The following SIPA1L1 variants were observed in gnomAD, a reference collection of about 807,000 sequenced individuals.
SIPA1L1 encodes the protein signal induced proliferation associated 1 like 1, also known as signal-induced proliferation-associated 1-like protein 1.
Under a neutral mutation model 162.7 loss-of-function variants are expected in SIPA1L1, and 26 were observed. The observed-to-expected ratio is 0.16, with a 90% confidence interval of 0.12 to 0.22. SIPA1L1 has a LOEUF of 0.22. SIPA1L1 is among the 10% of genes least tolerant of loss of function. SIPA1L1 has a pLI of 1.00. For synonymous variants in SIPA1L1, 829 were observed against 837.4 expected (o/e 0.99, Z 0.17); for missense variants, 1,874 against 2,241.0 (o/e 0.84, Z 3.31).
At chr14:71,457,464 A>G (rs1291760930) in intron 2 of SIPA1L1, among the ~76,000 whole-genome samples, 1 of 151,014 alleles carries the variant, frequency 6.6e-6, no homozygotes, top group East Asian at 2.0e-4. Context: ...ACTCCTAGCT[A>G]ATTTTTGTAT....
At chr14:71,628,849 C>T (rs140187013) in intron 7 of SIPA1L1, among the ~76,000 whole-genome samples, 2 of 152,182 alleles carry the variant, frequency 1.3e-5, no homozygotes, top group South Asian at 2.1e-4. Flanking sequence ...GAACGAGACT[C>T]GGAAGGACAG....
In SIPA1L1 at chr14:71,738,161, TAAAAAAAAAAAAA is replaced by T. The variant is rs34549978; in HGVS notation, c.5124-67_5124-55del. 2.5e-4 allele frequency: 91 copies of T among 368,958 alleles called. 1 individual carries two copies. Among genetic ancestry groups the T allele is most frequent in the African/African-American group, 2.2e-3 (60 of 26,934 alleles). The allele number at this position is 368,958 out of a possible 1,614,324, so 22.9% of individuals were successfully genotyped here. On this transcript the variant is annotated intron_variant, in intron 22 of 23. Coordinates refer to ENST00000381232, the MANE Select transcript of SIPA1L1 (RefSeq NM_001386936.1). ...TTTTATAAATACAGCCTCCTCAGAGTAAAAAAAAAAAAAAAAAAAAAAAAACAAACCCAGCCAT... is the reference window on the plus strand; with the variant it reads ...TTTTATAAATACAGCCTCCTCAGAGTAAAAAAAAAAAACAAACCCAGCCAT...
intron 2 of SIPA1L1, among the ~76,000 whole-genome samples, chr14:71,468,900 C>A (rs1016543672): frequency 6.6e-6 from 1 of 152,116 alleles, no homozygotes; most frequent in Non-Finnish European, 1.5e-5. Flanking sequence ...TCTTGTAGGC[C>A]TAGTCATTCA....
In SIPA1L1 at chr14:71,588,360, C is replaced by T. The variant is rs760694930; in HGVS notation, c.488C>T (p.Pro163Leu). 1.2e-6 allele frequency: 2 copies of T among 1,613,734 alleles called. No homozygotes were observed. The highest frequency in any genetic ancestry group is 2.7e-5 in the African/African-American group (2 of 74,924). Residue 163 changes from proline to leucine, a missense_variant, in exon 5 of 24, where the codon CCC (proline) becomes CTC (leucine). Transcript: ENST00000381232. The surrounding 1 kb of genome is among the most constrained non-coding windows in gnomAD (Gnocchi z 4.3). ...FLMPEAYPSS[P>L]RKALRRIRQR... ...ATGCCTGAAGCCTACCCCAGCTCCC[C>T]CAGAAAAGCTCTTCGCAGAATACGC...
intron 6 of SIPA1L1, among the ~76,000 whole-genome samples, chr14:71,623,762 G>C (rs2039687163): frequency 6.6e-6 from 1 of 152,134 alleles, no homozygotes; most frequent in African/African-American, 2.4e-5. Flanking sequence ...GATCTTTACT[G>C]ATCTCTTTAA....
rs1285960150 is a variant in SIPA1L1 at position 71,585,745 on chromosome 14, C to CT, written c.-302-1825dup. On this transcript the variant is annotated intron_variant, in intron 4 of 23. Coordinates refer to ENST00000381232, the MANE Select transcript of SIPA1L1 (RefSeq NM_001386936.1). ...AGGTTGTGAGAAATGTTGAAAGCAT[C>CT]TAATTTTTATAAAATCTACTTTAGA... 1.5e-4 allele frequency among the ~76,000 whole-genome samples: 23 copies of CT among 152,230 alleles called. 1 individual carries two copies. Among genetic ancestry groups the CT allele is most frequent in the Admixed American group, 1.3e-3 (20 of 15,294 alleles).
intron 2 of SIPA1L1, among the ~76,000 whole-genome samples, chr14:71,409,170 T>A (rs2042232166): frequency 6.6e-6 from 1 of 152,234 alleles, no homozygotes; most frequent in Admixed American, 6.5e-5. Context: ...ATTTGGGCTC[T>A]GTAAAAATGG....
At chr14:71,567,317 A>G (rs2030866289) in intron 4 of SIPA1L1, among the ~76,000 whole-genome samples, 1 of 152,216 alleles carries the variant, frequency 6.6e-6, no homozygotes, top group African/African-American at 2.4e-5. Context: ...GGTTCCTCCT[A>G]TCATTGTTTT....
chr14:71,708,790 T>G (rs1167671941), intron 16 of SIPA1L1, among the ~76,000 whole-genome samples: 2 of 152,116 alleles, frequency 1.3e-5, no homozygotes, highest in Non-Finnish European at 1.5e-5. Flanking sequence ...GGGAAGGAGG[T>G]CTCTCTAGAC....
chr14:71,474,025 C>T (rs918287711), intron 2 of SIPA1L1, among the ~76,000 whole-genome samples: 1 of 152,208 alleles, frequency 6.6e-6, no homozygotes, highest in Non-Finnish European at 1.5e-5. Context: ...GTCCTGCATT[C>T]CCTTGTTTGC....
intron 14 of SIPA1L1, among the ~76,000 whole-genome samples, chr14:71,700,547 GACCACTTTA>G (rs1382691138): frequency 2.0e-5 from 3 of 152,130 alleles, no homozygotes; most frequent in Admixed American, 6.5e-5. Context: ...TTTTTTAAAT[GACCACTTTA>G]ACCAATTAGA....
In SIPA1L1 at chr14:71,456,303, A is replaced by G. The variant is rs574717686; in HGVS notation, c.-464-56440A>G. On this transcript the variant is annotated intron_variant, in intron 2 of 23. Coordinates refer to ENST00000381232, the MANE Select transcript of SIPA1L1 (RefSeq NM_001386936.1). ...CGCATTAACTGATCCATCATTCATG[A>G]TATGCTTAGATTTGTGTTTGAAAAG... Among the ~76,000 whole-genome samples the G allele has an allele frequency of 3.0e-3, 457 of 152,362 alleles. 1 individual carries two copies. The highest frequency in any genetic ancestry group is 5.6e-3 in the Non-Finnish European group (378 of 68,034).
At chr14:71,721,408 C>A (rs970637678) in intron 17 of SIPA1L1, among the ~76,000 whole-genome samples, 8 of 152,200 alleles carry the variant, frequency 5.3e-5, no homozygotes, top group African/African-American at 1.2e-4. Context: ...GGTACGGGGT[C>A]CCACCCAAGG....
intron 13 of SIPA1L1, among the ~76,000 whole-genome samples, chr14:71,690,210 A>G (rs1034952559): frequency 1.3e-5 from 2 of 152,050 alleles, no homozygotes; most frequent in Admixed American, 1.3e-4. Context: ...TGCTCCAGCT[A>G]GGTCCCCATT....
At chr14:71,408,163 T>C (rs1306554173) in intron 2 of SIPA1L1, among the ~76,000 whole-genome samples, 1 of 152,232 alleles carries the variant, frequency 6.6e-6, no homozygotes, top group African/African-American at 2.4e-5. Context: ...TTGCTTCTGT[T>C]ATCTTTTTAT....
intron 2 of SIPA1L1, among the ~76,000 whole-genome samples, chr14:71,376,060 TG>T (rs2039344229): frequency 6.6e-6 from 1 of 152,172 alleles, no homozygotes; most frequent in Non-Finnish European, 1.5e-5. Flanking sequence ...TAAAATGAGT[TG>T]GGCTTTGATC....
chr14:71,460,235 C>CCATT (rs2046493263), intron 2 of SIPA1L1, among the ~76,000 whole-genome samples: 1 of 152,078 alleles, frequency 6.6e-6, no homozygotes, highest in Non-Finnish European at 1.5e-5. Flanking sequence ...TTTCTACTAC[C>CCATT]CATTCTGTAT....
intron 12 of SIPA1L1, among the ~76,000 whole-genome samples, 181 bp downstream of exon 12, chr14:71,672,803 C>T (rs911303226): frequency 6.6e-6 from 1 of 152,174 alleles, no homozygotes; most frequent in African/African-American, 2.4e-5. Flanking sequence ...TGTGTGGTGA[C>T]AGCAGCTGGA....
chr14:71,447,318 A>C (rs1338460754), intron 2 of SIPA1L1, among the ~76,000 whole-genome samples: 1 of 152,184 alleles, frequency 6.6e-6, no homozygotes, highest in Non-Finnish European at 1.5e-5. Context: ...AGCCTAAATA[A>C]GAGGCAGTTT....
Sources: gnomAD v4.1 joint callset for allele counts (sites outside exome capture counted in the v4.1 genomes callset) on GRCh38, gnomAD v4.1.1 for gene constraint, Gnocchi (gnomAD v3.1) non-coding constraint, MANE v1.5 for transcripts, NCBI Gene and HGNC (gene_info 2026-07-23, HGNC 2026-07-21) for gene names.